KCNIP4: variants seen among roughly 807,000 people sequenced by gnomAD.
KCNIP4 encodes the protein potassium voltage-gated channel interacting protein 4.
In KCNIP4, 12 loss-of-function variants were observed where a neutral mutation model predicts 34.0. That is an observed-to-expected ratio of 0.35 (90% CI 0.23 to 0.57). KCNIP4 has a LOEUF of 0.57. Ranked by LOEUF, KCNIP4 falls within the 20% of genes least tolerant of loss-of-function variation. The pLI is 0.83. For missense variants in KCNIP4, 238 were observed against 311.7 expected (o/e 0.76, Z 1.78); for synonymous variants, 124 against 102.2 (o/e 1.21, Z -1.29).
intron 1 of KCNIP4, among the ~76,000 whole-genome samples, chr4:21,823,533 G>A (rs1009548016): frequency 2.0e-5 from 3 of 148,948 alleles, no homozygotes; most frequent in Non-Finnish European, 4.4e-5. Flanking sequence ...AAAAACTACA[G>A]TCCTTCCAGA....
chr4:21,302,771 C>A (rs943970845), intron 1 of KCNIP4, among the ~76,000 whole-genome samples: 1 of 152,050 alleles, frequency 6.6e-6, no homozygotes, highest in Admixed American at 6.6e-5. Context: ...CAGAGTGACA[C>A]ACTTATTTTA....
intron 1 of KCNIP4, among the ~76,000 whole-genome samples, chr4:21,508,961 C>T (rs1734085947): frequency 6.6e-6 from 1 of 152,102 alleles, no homozygotes; most frequent in African/African-American, 2.4e-5. Flanking sequence ...GCTTCTGCTC[C>T]CTAACCCTCA....
In KCNIP4 at chr4:21,936,560, C is replaced by G. The variant is rs565029008; in HGVS notation, c.61+12011G>C. 1.2e-4 allele frequency among the ~76,000 whole-genome samples: 18 copies of G among 152,156 alleles called. No homozygotes were observed. The South Asian group carries it at 3.7e-3, about 31-fold the overall frequency. Reference sequence around the variant, plus strand: ...AGTCATCAGAGAAGTACCATATCAACAGAGACCCAAATGAAGTGAGGAAGA... The same window carrying G: ...AGTCATCAGAGAAGTACCATATCAAGAGAGACCCAAATGAAGTGAGGAAGA... On this transcript the variant is annotated intron_variant, in intron 1 of 8. Coordinates refer to ENST00000382152, the MANE Select transcript of KCNIP4 (RefSeq NM_025221.6).
At chr4:21,528,069 A>G (rs905964450) in intron 1 of KCNIP4, among the ~76,000 whole-genome samples, 52 of 152,284 alleles carry the variant, frequency 3.4e-4, no homozygotes, top group African/African-American at 1.2e-3. Flanking sequence ...ATCGAGTTCT[A>G]AGGATTAATT....
At chr4:21,238,592 A>C (rs1417308496) in intron 1 of KCNIP4, among the ~76,000 whole-genome samples, 1 of 152,182 alleles carries the variant, frequency 6.6e-6, no homozygotes, top group African/African-American at 2.4e-5. Context: ...AATAACAGAC[A>C]AACAGAGCCA....
intron 1 of KCNIP4, among the ~76,000 whole-genome samples, chr4:20,941,050 T>G (rs1232909845): frequency 6.6e-6 from 1 of 152,200 alleles, no homozygotes; most frequent in Non-Finnish European, 1.5e-5. Flanking sequence ...CGACATGAGT[T>G]AATGCTTTTA....
At chr4:21,491,538 C>T (rs906962935) in intron 1 of KCNIP4, among the ~76,000 whole-genome samples, 24 of 152,026 alleles carry the variant, frequency 1.6e-4, no homozygotes, top group Admixed American at 1.4e-3. Context: ...CCATGCTGGG[C>T]AAATTTTTTT....
chr4:21,780,856 G>A (rs1034857564), intron 1 of KCNIP4, among the ~76,000 whole-genome samples: 3 of 152,114 alleles, frequency 2.0e-5, no homozygotes, highest in African/African-American at 7.2e-5. Flanking sequence ...GCTGCTAGGG[G>A]AGAATCCTTC....
chr4:21,462,578 A>G (rs879762934), intron 1 of KCNIP4, among the ~76,000 whole-genome samples: 4 of 152,050 alleles, frequency 2.6e-5, no homozygotes, highest in Non-Finnish European at 4.4e-5. Context: ...TTCCCAGCCC[A>G]TGGTAGCCAC....
intron 1 of KCNIP4, among the ~76,000 whole-genome samples, chr4:21,517,524 A>G (rs1368429481): frequency 1.3e-5 from 2 of 152,220 alleles, no homozygotes; most frequent in African/African-American, 4.8e-5. Context: ...TGTAAAAGAA[A>G]TAAAACCGTC....
At chr4:21,573,839 G>A (rs1156750088) in intron 1 of KCNIP4, among the ~76,000 whole-genome samples, 1 of 152,122 alleles carries the variant, frequency 6.6e-6, no homozygotes, top group East Asian at 1.9e-4. Context: ...GTTGGAAACT[G>A]GATAGACTGG....
intron 1 of KCNIP4, among the ~76,000 whole-genome samples, chr4:21,392,675 T>A (rs930730133): frequency 1.3e-5 from 2 of 152,206 alleles, no homozygotes; most frequent in Non-Finnish European, 2.9e-5. Flanking sequence ...AAGAAAGACA[T>A]TTTATTTAGC....
At chr4:21,204,472 G>T (rs1199408301) in intron 1 of KCNIP4, among the ~76,000 whole-genome samples, 1 of 152,154 alleles carries the variant, frequency 6.6e-6, no homozygotes, top group Non-Finnish European at 1.5e-5. Flanking sequence ...TGGAAATACG[G>T]TGGGATTAAC....
chr4:21,401,417 G>A (rs1270522853), intron 1 of KCNIP4, among the ~76,000 whole-genome samples: 1 of 152,110 alleles, frequency 6.6e-6, no homozygotes, highest in African/African-American at 2.4e-5. Flanking sequence ...GAAACCCAAG[G>A]GGCTCCCCAA....
intron 1 of KCNIP4, among the ~76,000 whole-genome samples, chr4:20,978,050 C>T (rs949750042): frequency 6.6e-6 from 1 of 152,136 alleles, no homozygotes. Flanking sequence ...TAAATCTAAA[C>T]GTTTTTCCAG....
chr4:21,800,119 G>A (rs1307016482), intron 1 of KCNIP4, among the ~76,000 whole-genome samples: 1 of 152,108 alleles, frequency 6.6e-6, no homozygotes, highest in Non-Finnish European at 1.5e-5. Flanking sequence ...CTCCTAAGGA[G>A]AAATGAGTTC....
intron 1 of KCNIP4, among the ~76,000 whole-genome samples, chr4:21,386,387 A>T (rs910544129): frequency 2.6e-5 from 4 of 152,118 alleles, no homozygotes; most frequent in African/African-American, 9.7e-5. Context: ...ACCACTGTTT[A>T]TATTCCAACC....
At chr4:21,894,503 A>T (rs1341899089) in intron 1 of KCNIP4, among the ~76,000 whole-genome samples, 1 of 152,092 alleles carries the variant, frequency 6.6e-6, no homozygotes, top group Admixed American at 6.6e-5. Context: ...ATCATTTGTG[A>T]CTCTCTGAGG....
At chr4:20,865,676 T>C (rs1391291247) in intron 2 of KCNIP4, among the ~76,000 whole-genome samples, 1 of 151,914 alleles carries the variant, frequency 6.6e-6, no homozygotes, top group Admixed American at 6.6e-5. Context: ...TACACAGAGA[T>C]AGAGAATAAA....
Sources: allele counts gnomAD v4.1 joint callset (sites outside exome capture counted in the v4.1 genomes callset), GRCh38; gene constraint gnomAD v4.1.1; transcripts MANE v1.5; gene names NCBI Gene and HGNC (gene_info 2026-07-23, HGNC 2026-07-21).